The following MBD5 variants were observed in gnomAD, a reference collection of about 807,000 sequenced individuals.
MBD5 encodes methyl-CpG binding domain protein 5, also known as methyl-CpG-binding domain protein 5.
In MBD5, 13 loss-of-function variants were observed where a neutral mutation model predicts 117.3. The observed-to-expected ratio is 0.11, with a 90% confidence interval of 0.07 to 0.18. The LOEUF (loss-of-function observed/expected upper bound fraction) is 0.18. Among genes scored for constraint, MBD5 ranks in the 10% least tolerant of loss-of-function variants. The probability of loss-of-function intolerance (pLI) is 1.00; values close to 1 mark genes in which losing one functional copy is unlikely to be tolerated. For synonymous variants in MBD5, 727 were observed against 766.4 expected (o/e 0.95, Z 0.85); for missense variants, 1,879 against 2,093.8 (o/e 0.90, Z 2.00).
intron 8 of MBD5, among the ~76,000 whole-genome samples, chr2:148,478,531 C>G (rs1459169068): frequency 6.6e-6 from 1 of 152,132 alleles, no homozygotes; most frequent in Admixed American, 6.6e-5. Context: ...GCACTCCAGC[C>G]TGGGCAACAG....
At position 148,231,727 on chromosome 2, in the gene MBD5, C is replaced by T. The variant is rs183306722; in HGVS notation, c.-830-1518C>T. Reference sequence around the variant, plus strand: ...TTTGACTTCAGGGTGCTTTCCCAGACGTCTTGGATGGGAGGGGAGAAGGGT... The same window carrying T: ...TTTGACTTCAGGGTGCTTTCCCAGATGTCTTGGATGGGAGGGGAGAAGGGT... On this transcript the variant is annotated intron_variant, in intron 2 of 13. Coordinates refer to ENST00000642680, the MANE Select transcript of MBD5 (RefSeq NM_001378120.1). Among the ~76,000 whole-genome samples the T allele has an allele frequency of 1.0e-3, 155 of 152,182 alleles. 1 individual carries two copies. Among genetic ancestry groups the T allele is most frequent in the Non-Finnish European group, 9.6e-4 (65 of 68,018 alleles).
At chr2:148,470,972 G>C (rs1378066506) in intron 8 of MBD5, 2 of 153,324 alleles carry the variant, frequency 1.3e-5, no homozygotes, top group Non-Finnish European at 2.9e-5. Context: ...GAAGTAGAAG[G>C]CTGTCTTCTA....
intron 10 of MBD5, among the ~76,000 whole-genome samples, chr2:148,487,125 T>G (rs1404684335): frequency 6.6e-6 from 1 of 152,246 alleles, no homozygotes; most frequent in African/African-American, 2.4e-5. Context: ...TTACATAATC[T>G]GATATGGAAA....
At chr2:148,310,920 G>A (rs1319301515) in intron 3 of MBD5, among the ~76,000 whole-genome samples, 2 of 152,080 alleles carry the variant, frequency 1.3e-5, no homozygotes, top group African/African-American at 4.8e-5. Context: ...AGTCATTCAG[G>A]AGCAGGTTGT....
intron 7 of MBD5, among the ~76,000 whole-genome samples, chr2:148,464,492 T>A (rs568277036): frequency 1.3e-5 from 2 of 152,264 alleles, no homozygotes; most frequent in South Asian, 4.1e-4. Flanking sequence ...AAGTTGCAGT[T>A]ATTGTGACAA....
intron 4 of MBD5, among the ~76,000 whole-genome samples, chr2:148,414,260 A>C (rs1280588854): frequency 6.6e-6 from 1 of 151,940 alleles, no homozygotes; most frequent in East Asian, 1.9e-4. Flanking sequence ...AATTTCCATG[A>C]AATTTTGTGA....
In MBD5 at chr2:148,196,578, T is replaced by C. The variant is rs139775196; in HGVS notation, c.-831+17785T>C. 5.1e-3 allele frequency among the ~76,000 whole-genome samples: 777 copies of C among 152,324 alleles called. 4 individuals are homozygous for C. Among genetic ancestry groups the C allele is most frequent in the Non-Finnish European group, 7.5e-3 (508 of 68,028 alleles). ...TCTCCATTTGTGTCTATTTCTTCTATGTAAAATTAAAATTTTTGTCATCAG... is the reference window on the plus strand; with the variant it reads ...TCTCCATTTGTGTCTATTTCTTCTACGTAAAATTAAAATTTTTGTCATCAG... On this transcript the variant is annotated intron_variant, in intron 2 of 13. Coordinates refer to ENST00000642680, the MANE Select transcript of MBD5 (RefSeq NM_001378120.1).
chr2:148,339,016 C>T (rs2105120463), intron 3 of MBD5, among the ~76,000 whole-genome samples: 1 of 152,208 alleles, frequency 6.6e-6, no homozygotes, highest in Non-Finnish European at 1.5e-5. Flanking sequence ...TGGAGAGAAG[C>T]TAAAGTTGGG....
intron 1 of MBD5, among the ~76,000 whole-genome samples, chr2:148,096,977 G>T (rs1696084291): frequency 6.6e-6 from 1 of 152,024 alleles, no homozygotes; most frequent in South Asian, 2.1e-4. Flanking sequence ...GTTGAACAGG[G>T]ATAGAAACAA....
At chr2:148,462,716 T>C in intron 6 of MBD5, 32 bp downstream of exon 6, 1 of 1,353,640 alleles carries the variant, frequency 7.4e-7, no homozygotes, top group Non-Finnish European at 1.1e-6. Flanking sequence ...TACAGCAGTG[T>C]TTTATTTTTT....
chr2:148,339,364 A>G (rs184141191), intron 3 of MBD5, among the ~76,000 whole-genome samples: 91 of 152,168 alleles, frequency 6.0e-4, no homozygotes, highest in African/African-American at 2.0e-3. Flanking sequence ...CAAGTCTCCA[A>G]AGTGAGTGGC....
chr2:148,100,620 G>A (rs1696181968), intron 1 of MBD5, among the ~76,000 whole-genome samples: 1 of 152,178 alleles, frequency 6.6e-6, no homozygotes, highest in Non-Finnish European at 1.5e-5. Context: ...GCAATTGACT[G>A]TGTTTGGCTA....
intron 2 of MBD5, among the ~76,000 whole-genome samples, chr2:148,228,987 G>T (rs1353904841): frequency 6.6e-6 from 1 of 152,008 alleles, no homozygotes; most frequent in Non-Finnish European, 1.5e-5. Flanking sequence ...GCGTCTATTT[G>T]ATTCTTCTCT....
At chr2:148,424,364 G>T (rs1232275000) in intron 4 of MBD5, among the ~76,000 whole-genome samples, 3 of 151,422 alleles carry the variant, frequency 2.0e-5, no homozygotes, top group Non-Finnish European at 2.9e-5. Flanking sequence ...CCCAATACGG[G>T]AGCACCCAGA....
chr2:148,291,380 T>C (rs1239392954), intron 3 of MBD5, among the ~76,000 whole-genome samples: 1 of 152,248 alleles, frequency 6.6e-6, no homozygotes, highest in Non-Finnish European at 1.5e-5. Context: ...CTTTCACTGA[T>C]ATTTTGTAGT....
chr2:148,377,072 A>G (rs1704012944), intron 4 of MBD5, among the ~76,000 whole-genome samples: 1 of 151,318 alleles, frequency 6.6e-6, no homozygotes, highest in South Asian at 2.1e-4. Flanking sequence ...CTCTCCCTAT[A>G]TATATAAAGG....
chr2:148,384,449 A>C (rs888603763), intron 4 of MBD5, among the ~76,000 whole-genome samples: 28 of 152,196 alleles, frequency 1.8e-4, no homozygotes, highest in Non-Finnish European at 8.8e-5. Context: ...CCACTGCTCA[A>C]TGAAATAAAA....
intron 4 of MBD5, among the ~76,000 whole-genome samples, chr2:148,369,243 C>A (rs1039676425): frequency 6.6e-6 from 1 of 151,154 alleles, no homozygotes; most frequent in Non-Finnish European, 1.5e-5. Flanking sequence ...AAGTAGGAAA[C>A]TGAAGACACT....
Position 148,368,790 on chromosome 2 carries a change from A to G in MBD5, c.-557+26454A>G, listed in dbSNP as rs1450184045. 2.6e-5 allele frequency among the ~76,000 whole-genome samples: 4 copies of G among 152,156 alleles called. No individual in the cohort carries two copies. The East Asian group carries it at 7.7e-4, about 29-fold the overall frequency. The stretch of plus-strand genomic sequence containing the variant: ...TCTTTCTTACATCAGAATGCCAACT[A>G]ATAGAAGGGATAATAGAGTTAGAAA... On this transcript the variant is annotated intron_variant, in intron 4 of 13. Coordinates refer to ENST00000642680, the MANE Select transcript of MBD5 (RefSeq NM_001378120.1).
Sources: gnomAD v4.1 joint callset for allele counts (sites outside exome capture counted in the v4.1 genomes callset) on GRCh38, gnomAD v4.1.1 for gene constraint, MANE v1.5 for transcripts, NCBI Gene and HGNC (gene_info 2026-07-23, HGNC 2026-07-21) for gene names.